Variants in ADGRD1 observed in about 807,000 individuals in gnomAD.
ADGRD1 encodes the protein G-protein coupled receptor 133.
In ADGRD1, 77 loss-of-function variants were observed where a neutral mutation model predicts 113.4. The ratio of observed to expected loss-of-function variants is 0.68; its 90% CI spans 0.57 to 0.82. The LOEUF (loss-of-function observed/expected upper bound fraction) is 0.82. ADGRD1 is among the 40% of genes least tolerant of loss of function. The pLI, the probability that ADGRD1 is intolerant of heterozygous loss-of-function variation, is 0.00. For synonymous variants in ADGRD1, 474 were observed against 475.0 expected (o/e 1.00, Z 0.03); for missense variants, 1,036 against 1,139.1 (o/e 0.91, Z 1.30).
rs1306934008 is a variant in ADGRD1 at position 131,022,703 on chromosome 12, G to A, written c.1473+8363G>A. 1.3e-5 allele frequency: 2 copies of A among 152,050 alleles called. No individual in the cohort carries two copies. Among genetic ancestry groups the A allele is most frequent in the African/African-American group, 4.8e-5 (2 of 41,404 alleles). The allele number at this position is 152,050 out of a possible 1,614,324, so 9.4% of individuals were successfully genotyped here. A position where few individuals can be genotyped will look rare whatever the true frequency, so the allele number is the denominator to read the frequency against. ...CATTCAGGCATTAAAGATATGCTGG[G>A]CTCATGGAATCGGCTCTTTCCCTAA... On this transcript the variant is annotated intron_variant, in intron 13 of 24. Coordinates refer to ENST00000261654, the MANE Select transcript of ADGRD1 (RefSeq NM_198827.5). The surrounding 1 kb of genome is among the most constrained non-coding windows in gnomAD (Gnocchi z 4.6).
intron 8 of ADGRD1, among the ~76,000 whole-genome samples, chr12:130,994,491 C>T (rs540015241): frequency 6.6e-6 from 1 of 152,332 alleles, no homozygotes; most frequent in South Asian, 2.1e-4. Flanking sequence ...CAATAAACAC[C>T]CACTCTGGGC....
chr12:130,968,789 C>T (rs751950998), intron 3 of ADGRD1: 23 of 581,510 alleles, frequency 4.0e-5, no homozygotes, highest in Non-Finnish European at 5.2e-5. Context: ...CTGGAGTGGC[C>T]GAGCTGCTGA....
At chr12:131,102,967 A>G (rs956177228) in intron 15 of ADGRD1, among the ~76,000 whole-genome samples, 1 of 152,224 alleles carries the variant, frequency 6.6e-6, no homozygotes, top group Non-Finnish European at 1.5e-5. Flanking sequence ...CCTCAGGGAT[A>G]CTGATGGGCT....
At chr12:131,068,530 C>T (rs763317384) in intron 13 of ADGRD1, among the ~76,000 whole-genome samples, 9 of 152,110 alleles carry the variant, frequency 5.9e-5, no homozygotes, top group Non-Finnish European at 1.2e-4. Context: ...TGTTTGACTC[C>T]GCACTGATTT....
chr12:131,129,802 G>A (rs540324393), intron 20 of ADGRD1, among the ~76,000 whole-genome samples: 9 of 152,254 alleles, frequency 5.9e-5, no homozygotes, highest in Non-Finnish European at 1.2e-4. Context: ...AGCAGGCAGG[G>A]TCTGTGGCAG....
chr12:131,007,682 C>G (rs1195945141), intron 12 of ADGRD1, among the ~76,000 whole-genome samples: 1 of 152,240 alleles, frequency 6.6e-6, no homozygotes, highest in Non-Finnish European at 1.5e-5. Context: ...AATTGGACAG[C>G]CAAGTCATCC....
chr12:130,961,919 C>A (rs568272207), intron 2 of ADGRD1, among the ~76,000 whole-genome samples: 27 of 152,224 alleles, frequency 1.8e-4, no homozygotes, highest in Non-Finnish European at 2.5e-4. Flanking sequence ...ATGCTTCGTT[C>A]GGCATCAGGA....
intron 14 of ADGRD1, among the ~76,000 whole-genome samples, chr12:131,081,703 A>C (rs2137195013): frequency 6.6e-6 from 1 of 152,362 alleles, no homozygotes; most frequent in African/African-American, 2.4e-5. Flanking sequence ...ATTAAAATTA[A>C]GACAATAATA....
chr12:131,008,517 G>A (rs1024874470), intron 12 of ADGRD1, among the ~76,000 whole-genome samples: 2 of 152,196 alleles, frequency 1.3e-5, no homozygotes, highest in African/African-American at 2.4e-5. Flanking sequence ...GGCCTGGGCC[G>A]GAAGGAACTT....
intron 12 of ADGRD1, among the ~76,000 whole-genome samples, chr12:131,013,694 C>G (rs1040766709): frequency 1.3e-5 from 2 of 152,072 alleles, no homozygotes; most frequent in East Asian, 3.9e-4. Flanking sequence ...ATCAGGAAAA[C>G]GATGAATGAA....
At chr12:130,994,065 G>C in intron 8 of ADGRD1, 1 of 243,206 alleles carries the variant, frequency 4.1e-6, no homozygotes, top group South Asian at 4.3e-5. Context: ...ACCAAGGGGA[G>C]TGGGATTAGC....
Position 131,116,647 on chromosome 12 carries a change from C to G in ADGRD1, c.2042-1738C>G, listed in dbSNP as rs529435998. Among the ~76,000 whole-genome samples, 50 of 152,276 alleles carry G rather than the reference C, an allele frequency of 3.3e-4. No homozygotes were observed. In the South Asian group the frequency reaches 0.01, roughly 32 times the overall value. On this transcript the variant is annotated intron_variant, in intron 18 of 24. Coordinates refer to ENST00000261654, the MANE Select transcript of ADGRD1 (RefSeq NM_198827.5). ...AGCTACGGAGGCAGAGAGCCACATGCTCTTCGTGCACTTCCATCCCCCACC... is the reference window on the plus strand; with the variant it reads ...AGCTACGGAGGCAGAGAGCCACATGGTCTTCGTGCACTTCCATCCCCCACC...
At chr12:131,106,209 A>T (rs1282134185) in intron 17 of ADGRD1, among the ~76,000 whole-genome samples, 1 of 152,230 alleles carries the variant, frequency 6.6e-6, no homozygotes, top group African/African-American at 2.4e-5. Flanking sequence ...ATTGGGGCAC[A>T]GGGCTCACAG....
chr12:131,056,794 A>G (rs1883899811), intron 13 of ADGRD1, among the ~76,000 whole-genome samples: 1 of 152,192 alleles, frequency 6.6e-6, no homozygotes, highest in African/African-American at 2.4e-5. Flanking sequence ...CGTGGACCAC[A>G]CAAGAGATCC....
intron 13 of ADGRD1, among the ~76,000 whole-genome samples, chr12:131,040,502 C>G (rs1882012318): frequency 1.3e-5 from 2 of 152,226 alleles, no homozygotes; most frequent in African/African-American, 4.8e-5. Context: ...AAACAAAATA[C>G]TCACACGCTT....
At chr12:131,094,067 G>GGCACCCAGCCCTGAGCACCCAGTCTCA (rs986842941) in intron 15 of ADGRD1, among the ~76,000 whole-genome samples, 1 of 132,094 alleles carries the variant, frequency 7.6e-6, no homozygotes, top group Non-Finnish European at 1.6e-5. Flanking sequence ...ACCCAGCCTC[G>GGCACCCAGCCCTGAGCACCCAGTCTCA]GCACCCAGCC....
intron 13 of ADGRD1, among the ~76,000 whole-genome samples, chr12:131,048,262 C>G (rs993278427): frequency 6.6e-6 from 1 of 152,238 alleles, no homozygotes; most frequent in South Asian, 2.1e-4. Flanking sequence ...CAGCAGCGGA[C>G]GGCACGGTGG....
chr12:130,973,233 T>C (rs1234321089), intron 4 of ADGRD1: 1 of 152,176 alleles, frequency 6.6e-6, no homozygotes, highest in Admixed American at 6.5e-5. Flanking sequence ...GTCCGCAGCA[T>C]GAGCTCTGGG....
At chr12:131,015,717 C>A (rs1433431225) in intron 13 of ADGRD1, among the ~76,000 whole-genome samples, 2 of 152,166 alleles carry the variant, frequency 1.3e-5, no homozygotes, top group Admixed American at 1.3e-4. Context: ...ATGTGACCAG[C>A]CGTGAGCCTG....
Sources: gnomAD v4.1 joint callset for allele counts (sites outside exome capture counted in the v4.1 genomes callset) on GRCh38, gnomAD v4.1.1 for gene constraint, Gnocchi (gnomAD v3.1) non-coding constraint, MANE v1.5 for transcripts, NCBI Gene and HGNC (gene_info 2026-07-23, HGNC 2026-07-21) for gene names.